PELI2: variants seen among roughly 807,000 people sequenced by gnomAD.
PELI2 encodes pellino E3 ubiquitin protein ligase family member 2.
Under a neutral mutation model 42.3 loss-of-function variants are expected in PELI2, and 23 were observed. That is an observed-to-expected ratio of 0.54 (90% CI 0.39 to 0.77). PELI2 has a LOEUF of 0.77. Among genes scored for constraint, PELI2 ranks in the 30% least tolerant of loss-of-function variants. The pLI is 0.00. For synonymous variants in PELI2, 245 were observed against 212.2 expected, an observed-to-expected ratio of 1.15 and a Z score of -1.34; for missense variants, 463 against 553.2, an observed-to-expected ratio of 0.84 and a Z score of 1.64.
At chr14:56,214,144 C>T (rs900645489) in intron 2 of PELI2, among the ~76,000 whole-genome samples, 2 of 152,108 alleles carry the variant, frequency 1.3e-5, no homozygotes, top group African/African-American at 4.8e-5. Context: ...TGAGCCACTG[C>T]GCCTGGCCAC....
intron 2 of PELI2, among the ~76,000 whole-genome samples, chr14:56,258,743 G>A (rs923407884): frequency 9.9e-5 from 15 of 151,998 alleles, no homozygotes; most frequent in African/African-American, 3.6e-4. Flanking sequence ...TATATCAGGT[G>A]GTCTCAAATA....
At chr14:56,221,724 C>G (rs898015824) in intron 2 of PELI2, among the ~76,000 whole-genome samples, 1 of 152,188 alleles carries the variant, frequency 6.6e-6, no homozygotes, top group Non-Finnish European at 1.5e-5. Flanking sequence ...ATGGGTGATT[C>G]TATAGAGAAG....
intron 2 of PELI2, among the ~76,000 whole-genome samples, chr14:56,224,632 G>GATTTTTTAA (rs1887274538): frequency 6.6e-6 from 1 of 152,072 alleles, no homozygotes; most frequent in Non-Finnish European, 1.5e-5. Flanking sequence ...AGTTTGTCAG[G>GATTTTTTAA]ATTTTTTAAA....
intron 1 of PELI2, among the ~76,000 whole-genome samples, chr14:56,137,230 G>A (rs1233407154): frequency 2.0e-5 from 3 of 151,708 alleles, no homozygotes; most frequent in South Asian, 2.1e-4. Context: ...GAGAAAGGCT[G>A]TTGAGTGTGT....
At chr14:56,253,554 TAA>T (rs1888423877) in intron 2 of PELI2, among the ~76,000 whole-genome samples, 1 of 152,036 alleles carries the variant, frequency 6.6e-6, no homozygotes, top group African/African-American at 2.4e-5. Flanking sequence ...TATACACCAA[TAA>T]CAGACAAACA....
At chr14:56,283,556 C>G (rs570757570) in intron 3 of PELI2, among the ~76,000 whole-genome samples, 1 of 152,284 alleles carries the variant, frequency 6.6e-6, no homozygotes, top group Admixed American at 6.5e-5. Flanking sequence ...CTCAGGGACC[C>G]TCTGGGGTTC....
intron 1 of PELI2, among the ~76,000 whole-genome samples, chr14:56,129,404 C>G (rs541183919): frequency 6.6e-6 from 1 of 152,326 alleles, no homozygotes; most frequent in African/African-American, 2.4e-5. Context: ...TTTGGGCACT[C>G]AGTGGTTTGA....
intron 2 of PELI2, among the ~76,000 whole-genome samples, chr14:56,254,650 GTAAAC>G (rs1252918756): frequency 6.6e-6 from 1 of 152,050 alleles, no homozygotes; most frequent in African/African-American, 2.4e-5. Context: ...TGGGATCTAA[GTAAAC>G]TAAAGAGCTT....
chr14:56,281,030 G>A (rs1889466000), intron 3 of PELI2, among the ~76,000 whole-genome samples: 1 of 152,034 alleles, frequency 6.6e-6, no homozygotes, highest in Non-Finnish European at 1.5e-5. Context: ...AAATAATACA[G>A]CACTGTAAAA....
Position 56,259,171 on chromosome 14 carries a change from C to G in PELI2, c.208-20505C>G, listed in dbSNP as rs374158608. 3.3e-5 allele frequency among the ~76,000 whole-genome samples: 5 copies of G among 152,068 alleles called. No homozygotes were observed. The East Asian group carries it at 9.7e-4, about 29-fold the overall frequency. Reference sequence around the variant, plus strand: ...AAGTAAAGACTTTATTTCAGAAAAACAAAAGCTAAAAACAGTTATCACCAG... The same window carrying G: ...AAGTAAAGACTTTATTTCAGAAAAAGAAAAGCTAAAAACAGTTATCACCAG... On this transcript the variant is annotated intron_variant, in intron 2 of 5. Coordinates refer to ENST00000267460, the MANE Select transcript of PELI2 (RefSeq NM_021255.3).
intron 5 of PELI2, among the ~76,000 whole-genome samples, chr14:56,294,446 C>T (rs957863330): frequency 3.3e-5 from 5 of 152,218 alleles, no homozygotes; most frequent in Admixed American, 6.5e-5. Flanking sequence ...CGAGTGACTG[C>T]ATTGGGAGTG....
At chr14:56,271,816 C>T (rs1473136899) in intron 2 of PELI2, among the ~76,000 whole-genome samples, 1 of 152,218 alleles carries the variant, frequency 6.6e-6, no homozygotes, top group Non-Finnish European at 1.5e-5. Flanking sequence ...GAACCTCTGA[C>T]TTCTTCACAG....
intron 2 of PELI2, among the ~76,000 whole-genome samples, chr14:56,232,040 C>T (rs879153883): frequency 6.6e-6 from 1 of 152,034 alleles, no homozygotes; most frequent in African/African-American, 2.4e-5. Flanking sequence ...ACACATACAC[C>T]CTCCCAAGAC....
intron 1 of PELI2, among the ~76,000 whole-genome samples, chr14:56,158,408 C>A (rs1884642839): frequency 6.6e-6 from 1 of 152,150 alleles, no homozygotes; most frequent in Non-Finnish European, 1.5e-5. Flanking sequence ...GTGGTATGAT[C>A]TCGGCTCCCT....
chr14:56,279,853 T>C, intron 3 of PELI2, 76 bp downstream of exon 3: 1 of 692,828 alleles, frequency 1.4e-6, no homozygotes, highest in Non-Finnish European at 2.5e-6. Flanking sequence ...TAATCAGATC[T>C]TCCAGCCCAG....
intron 2 of PELI2, among the ~76,000 whole-genome samples, chr14:56,218,373 T>TA (rs1205437082): frequency 1.3e-5 from 2 of 152,266 alleles, no homozygotes; most frequent in Non-Finnish European, 2.9e-5. Flanking sequence ...ATTTATGCCT[T>TA]ATGGCACTAG....
At position 56,288,027 on chromosome 14, in the gene PELI2, C is replaced by T. The variant is rs1259572440; in HGVS notation, c.310-410C>T. Among the ~76,000 whole-genome samples the T allele has an allele frequency of 6.6e-6, 1 of 152,178 alleles. No homozygotes were observed. The highest frequency in any genetic ancestry group is 1.5e-5 in the Non-Finnish European group (1 of 68,042). ...TCTGATGAGTGGCCAAAGATCTACT[C>T]CTGTCCTCTTAATTGAGCTTTTTCT... On this transcript the variant is annotated intron_variant, in intron 3 of 5. Transcript: ENST00000267460. The surrounding 1 kb of genome is among the most constrained non-coding windows in gnomAD (Gnocchi z 4.6).
chr14:56,254,912 A>C (rs1888474217), intron 2 of PELI2, among the ~76,000 whole-genome samples: 1 of 152,242 alleles, frequency 6.6e-6, no homozygotes, highest in Non-Finnish European at 1.5e-5. Context: ...TCATCAGAGA[A>C]ATGCAAATCA....
At chr14:56,285,118 A>G (rs1237359829) in intron 3 of PELI2, among the ~76,000 whole-genome samples, 1 of 152,232 alleles carries the variant, frequency 6.6e-6, no homozygotes, top group Non-Finnish European at 1.5e-5. Context: ...CTGTATGGAA[A>G]AGAATCTAGG....
Sources: allele counts gnomAD v4.1 joint callset (sites outside exome capture counted in the v4.1 genomes callset), GRCh38; gene constraint gnomAD v4.1.1; non-coding constraint Gnocchi (gnomAD v3.1); transcripts MANE v1.5; gene names NCBI Gene and HGNC (gene_info 2026-07-23, HGNC 2026-07-21).